ADGRF5: variants seen among roughly 807,000 people sequenced by gnomAD.
ADGRF5 encodes the protein G-protein coupled receptor 116.
Under a neutral mutation model 132.3 loss-of-function variants are expected in ADGRF5, and 75 were observed. The ratio of observed to expected loss-of-function variants is 0.57; its 90% CI spans 0.47 to 0.69. The LOEUF is 0.69. Ranked by LOEUF, ADGRF5 falls within the 30% of genes least tolerant of loss-of-function variation. The pLI is 0.00. For synonymous variants in ADGRF5, 629 were observed against 597.6 expected, an observed-to-expected ratio of 1.05 and a Z score of -0.77; for missense variants, 1,516 against 1,630.6, an observed-to-expected ratio of 0.93 and a Z score of 1.21.
At chr6:46,888,906 A>G (rs563487877) in intron 3 of ADGRF5, among the ~76,000 whole-genome samples, 2 of 152,236 alleles carry the variant, frequency 1.3e-5, no homozygotes, top group Non-Finnish European at 2.9e-5. Context: ...GGGAAAAGTC[A>G]CCCAGTTAAT....
At chr6:46,903,937 A>T (rs1392279490) in intron 2 of ADGRF5, among the ~76,000 whole-genome samples, 1 of 152,212 alleles carries the variant, frequency 6.6e-6, no homozygotes, top group Non-Finnish European at 1.5e-5. Context: ...ATTTATTCTC[A>T]TGTAGAGGAA....
Position 46,869,109 on chromosome 6 carries a change from C to A in ADGRF5, c.1412-17G>T. 1 of 1,606,794 alleles carries A rather than the reference C, an allele frequency of 6.2e-7. No individual in the cohort carries two copies. Among genetic ancestry groups the A allele is most frequent in the South Asian group, 1.1e-5 (1 of 90,542 alleles). ...TTAGATTGGCTGAAAAAAAGGCAAA[C>A]AAAACAGACAAAAGAAAACTGACAA... is the stretch of plus-strand genomic sequence containing the variant. On this transcript the variant is annotated splice_polypyrimidine_tract_variant and intron_variant, in intron 11 of 20. Coordinates refer to ENST00000283296, the MANE Select transcript of ADGRF5 (RefSeq NM_001098518.2).
intron 8 of ADGRF5, among the ~76,000 whole-genome samples, chr6:46,881,027 A>G (rs537913215): frequency 6.6e-6 from 1 of 152,158 alleles, no homozygotes; most frequent in South Asian, 2.1e-4. Context: ...TTGAGCAAGG[A>G]AAGTAGAGGC....
In ADGRF5 at chr6:46,858,135, G is replaced by A; in HGVS notation, c.3768C>T (p.Val1256=). The stretch of plus-strand genomic sequence containing the variant: ...TCCGCACTGTAAAACTCACCTGGAA[G>A]ACATTGAGGATGGCAAATATGATAT... ...VFHIIFAILN[V]FQGLFILLFG... Residue 1256 remains valine (V), a synonymous_variant, in exon 17 of 21, where the codon GTC becomes GTT. Coordinates refer to ENST00000283296, the MANE Select transcript of ADGRF5 (RefSeq NM_001098518.2). 1 of 1,608,014 alleles carries A rather than the reference G, an allele frequency of 6.2e-7. No homozygotes were observed. Among genetic ancestry groups the A allele is most frequent in the South Asian group, 1.1e-5 (1 of 90,346 alleles).
At chr6:46,915,211 A>C (rs904192826) in intron 1 of ADGRF5, among the ~76,000 whole-genome samples, 1 of 151,982 alleles carries the variant, frequency 6.6e-6, no homozygotes, top group Non-Finnish European at 1.5e-5. Context: ...CTCATTTTAC[A>C]TTAGGTTGTT....
At chr6:46,936,463 G>A in intron 1 of ADGRF5, among the ~76,000 whole-genome samples, 1 of 152,138 alleles carries the variant, frequency 6.6e-6, no homozygotes, top group East Asian at 1.9e-4. Context: ...AAATCTAATT[G>A]TATACTATAA....
intron 1 of ADGRF5, among the ~76,000 whole-genome samples, chr6:46,945,742 A>C (rs1348005171): frequency 1.3e-5 from 2 of 152,244 alleles, no homozygotes; most frequent in African/African-American, 4.8e-5. Flanking sequence ...GCTGCTAATA[A>C]AGACATACCT....
At chr6:46,881,368 T>A in intron 8 of ADGRF5, 87 bp downstream of exon 8, 1 of 1,189,698 alleles carries the variant, frequency 8.4e-7, no homozygotes, top group Non-Finnish European at 1.2e-6. Flanking sequence ...GTGTCTAGCT[T>A]CCCAGAGGAC....
At chr6:46,889,736 A>T (rs1172441465) in intron 3 of ADGRF5, among the ~76,000 whole-genome samples, 7 of 144,438 alleles carry the variant, frequency 4.8e-5, no homozygotes, top group African/African-American at 1.5e-4. Context: ...TACAAACGTT[A>T]TATATTATAT....
chr6:46,942,523 T>A (rs888965204), intron 1 of ADGRF5, among the ~76,000 whole-genome samples: 1 of 152,204 alleles, frequency 6.6e-6, no homozygotes, highest in Non-Finnish European at 1.5e-5. Context: ...TTTTCTTATG[T>A]GTAAAAGAGA....
At position 46,884,191 on chromosome 6, in the gene ADGRF5, G is replaced by A. The variant is rs1772805431; in HGVS notation, c.409C>T (p.Leu137Phe). 1 of 1,613,612 alleles carries A rather than the reference G, an allele frequency of 6.2e-7. No homozygotes were observed. The highest frequency in any genetic ancestry group is 8.5e-7 in the Non-Finnish European group (1 of 1,179,620). Residue 137 changes from leucine to phenylalanine, a missense_variant, in exon 5 of 21, where the codon CTC (leucine) becomes TTC (phenylalanine). Physicochemically the swap from Leu to Phe is conservative, Grantham distance 22. This residue lies in a region of ADGRF5 where 945 missense variants were observed against 929.4 expected (regional missense o/e 1.02). Coordinates refer to ENST00000283296, the MANE Select transcript of ADGRF5 (RefSeq NM_001098518.2). ...AAGACGTCACGCTCTTGACAAATGA[G>A]ATTGTGAAGACACCTTTCCCGAGGC... The part of the protein sequence containing the change: ...GWPRERCLHN[L>F]ICQERDVFLP...
rs141139823 is a variant in ADGRF5, at chr6:46,897,137, C to CATAT, written c.157+2888_157+2891dup. ...ACACATATACACAGACATATGCATG[C>CATAT]ATATATATACACACACACACACACA... On this transcript the variant is annotated intron_variant, in intron 3 of 20. Transcript: ENST00000283296. 8.5e-3 allele frequency among the ~76,000 whole-genome samples: 1,222 copies of CATAT among 143,780 alleles called. 20 individuals are homozygous for CATAT. The highest frequency in any genetic ancestry group is 0.03 in the African/African-American group (1,098 of 37,072). The allele number at this position is 143,780 out of a possible 152,430, so 94.3% of individuals were successfully genotyped here. A position where few individuals can be genotyped will look rare whatever the true frequency, so the allele number is the denominator to read the frequency against.
chr6:46,937,219 GGAGT>G (rs1324058467), intron 1 of ADGRF5, among the ~76,000 whole-genome samples: 1 of 98,624 alleles, frequency 1.0e-5, no homozygotes, highest in Non-Finnish European at 2.1e-5. Context: ...CAGGCAATAA[GGAGT>G]GTGTGTGTGT....
Position 46,859,246 on chromosome 6 carries a change from C to T in ADGRF5, c.2657G>A (p.Ser886Asn), listed in dbSNP as rs759032509. The T allele has an allele frequency of 1.9e-6, 3 of 1,614,116 alleles. No individual in the cohort carries two copies. Among genetic ancestry groups the T allele is most frequent in the South Asian group, 1.1e-5 (1 of 91,084 alleles). Residue 886 changes from serine (S) to asparagine (N), a missense_variant, in exon 17 of 21, where the codon AGC (serine) becomes AAC (asparagine). By Grantham distance (46) the Ser-to-Asn change is conservative. This residue lies in a region of ADGRF5 where 571 missense variants were observed against 701.2 expected (regional missense o/e 0.81). Coordinates refer to ENST00000283296, the MANE Select transcript of ADGRF5 (RefSeq NM_001098518.2). ...DLWGNVVIDK[S>N]YLENLQSDSS... The stretch of plus-strand genomic sequence containing the variant: ...ATCCGACTGCAAGTTTTCTAGATAG[C>T]TCTTGTCAATGACCACATTGCCCCA...
At chr6:46,909,490 A>C (rs1235968374) in intron 1 of ADGRF5, among the ~76,000 whole-genome samples, 1 of 152,236 alleles carries the variant, frequency 6.6e-6, no homozygotes, top group East Asian at 1.9e-4. Flanking sequence ...GTTAGAAGAC[A>C]GGGAGAGGAA....
chr6:46,944,507 A>T (rs1418301641), intron 1 of ADGRF5, among the ~76,000 whole-genome samples: 1 of 152,104 alleles, frequency 6.6e-6, no homozygotes, highest in African/African-American at 2.4e-5. Context: ...CCATCTTCCT[A>T]CACACACAGG....
At chr6:46,888,064 T>A in intron 4 of ADGRF5, 2 of 285,490 alleles carry the variant, frequency 7.0e-6, no homozygotes, top group Non-Finnish European at 1.2e-5. Context: ...ATGAAGGACC[T>A]GGCCATATCT....
At chr6:46,884,032 A>G (rs762362250) in intron 5 of ADGRF5, 63 bp downstream of exon 5, 2 of 1,332,094 alleles carry the variant, frequency 1.5e-6, no homozygotes, top group East Asian at 4.6e-5. Flanking sequence ...ATGAGCCACC[A>G]TGCCCAGTCG....
At chr6:46,907,696 T>C (rs764045116) in intron 1 of ADGRF5, among the ~76,000 whole-genome samples, 46 of 152,180 alleles carry the variant, frequency 3.0e-4, no homozygotes, top group Admixed American at 1.5e-3. Context: ...AGCTTTTCTA[T>C]GCCCAGGTGT....
Sources: gnomAD v4.1 joint callset for allele counts (sites outside exome capture counted in the v4.1 genomes callset) on GRCh38, gnomAD v4.1.1 for gene constraint, gnomAD v4.1.1 regional missense constraint, MANE v1.5 for transcripts, NCBI Gene and HGNC (gene_info 2026-07-23, HGNC 2026-07-21) for gene names.